Variants in MKLN1 observed in about 807,000 individuals in gnomAD.
The protein encoded by MKLN1 is muskelin.
A neutral mutation model predicts 99.0 loss-of-function variants in MKLN1; 18 were observed. That is an observed-to-expected ratio of 0.18 (90% confidence interval 0.13 to 0.27). MKLN1 has a LOEUF of 0.27. MKLN1 is among the 10% of genes least tolerant of loss of function. The pLI, the probability that MKLN1 is intolerant of heterozygous loss-of-function variation, is 1.00. For missense variants in MKLN1, 621 were observed against 875.9 expected, an observed-to-expected ratio of 0.71 and a Z score of 3.67; for synonymous variants, 288 against 293.2, an observed-to-expected ratio of 0.98 and a Z score of 0.18.
chr7:131,276,940 A>T (rs933024077), intron 3 of MKLN1, among the ~76,000 whole-genome samples: 12 of 152,150 alleles, frequency 7.9e-5, no homozygotes, highest in Non-Finnish European at 1.8e-4. Flanking sequence ...ACCTGCTTCC[A>T]CACAGCAGCC....
At chr7:131,378,208 C>G (rs895338829) in intron 2 of MKLN1, among the ~76,000 whole-genome samples, 1 of 152,050 alleles carries the variant, frequency 6.6e-6, no homozygotes, top group Non-Finnish European at 1.5e-5. Flanking sequence ...ACCTCCTGGG[C>G]TCAAGTGATT....
chr7:131,260,999 T>C (rs1584874243), intron 3 of MKLN1, among the ~76,000 whole-genome samples: 1 of 152,186 alleles, frequency 6.6e-6, no homozygotes, highest in South Asian at 2.1e-4. Context: ...CAACTCAAGA[T>C]GGATTAAAGA....
chr7:131,305,406 A>G (rs1188525693), intron 3 of MKLN1, among the ~76,000 whole-genome samples: 1 of 152,174 alleles, frequency 6.6e-6, no homozygotes, highest in Non-Finnish European at 1.5e-5. Context: ...CCATATAGCA[A>G]CTTATTTGGG....
Position 131,459,742 on chromosome 7 carries a change from A to T in MKLN1, c.1526-3475A>T, listed in dbSNP as rs534787581. ...TATATATCTACATGCCATCTTTTTA[A>T]AAAAAAAACAACATAGATATATGTG... is the stretch of plus-strand genomic sequence containing the variant. On this transcript the variant is annotated intron_variant, in intron 12 of 17. Coordinates refer to ENST00000352689, the MANE Select transcript of MKLN1 (RefSeq NM_013255.5). Among the ~76,000 whole-genome samples the T allele has an allele frequency of 3.3e-4, 50 of 151,618 alleles. No individual in the cohort carries two copies. The South Asian group carries it at 7.5e-3, about 23-fold the overall frequency.
At chr7:131,132,365 TA>T (rs1161915285) in intron 1 of MKLN1, among the ~76,000 whole-genome samples, 1 of 152,188 alleles carries the variant, frequency 6.6e-6, no homozygotes, top group Non-Finnish European at 1.5e-5. Flanking sequence ...TGCCACATTT[TA>T]AAAGGGACTT....
chr7:131,136,673 A>G (rs1795653324), intron 1 of MKLN1, among the ~76,000 whole-genome samples: 1 of 152,250 alleles, frequency 6.6e-6, no homozygotes, highest in South Asian at 2.1e-4. Context: ...ACTGTGAAAC[A>G]GAACCAGCCA....
chr7:131,133,603 C>T lies in MKLN1; in HGVS notation c.-418-9217C>T, dbSNP rs368667756. ...TCCTGACCTCGTGATCCGCCCGCCT[C>T]GGCCTCCCAAAGTGCTGGGATTATA... is the stretch of plus-strand genomic sequence containing the variant. On this transcript the variant is annotated intron_variant, in intron 1 of 7. Coordinates refer to the MKLN1 transcript ENST00000416992. 2.4e-4 allele frequency among the ~76,000 whole-genome samples: 36 copies of T among 151,134 alleles called. No homozygotes were observed. The East Asian group carries it at 5.5e-3, about 23-fold the overall frequency.
intron 1 of MKLN1, among the ~76,000 whole-genome samples, chr7:131,358,140 C>T (rs190028010): frequency 4.5e-4 from 69 of 152,172 alleles, no homozygotes; most frequent in African/African-American, 1.6e-3. Flanking sequence ...TGGGGTAAAA[C>T]ATCTAGTTTC....
intron 3 of MKLN1, among the ~76,000 whole-genome samples, chr7:131,214,118 T>C (rs1796944348): frequency 6.6e-6 from 1 of 152,152 alleles, no homozygotes. Context: ...GAAATATGTA[T>C]ATAATTATTT....
At chr7:131,446,171 A>G (rs1796010277) in intron 12 of MKLN1, among the ~76,000 whole-genome samples, 1 of 152,156 alleles carries the variant, frequency 6.6e-6, no homozygotes, top group South Asian at 2.1e-4. Context: ...GGAAGAATCA[A>G]TATCTTAAAA....
intron 2 of MKLN1, among the ~76,000 whole-genome samples, chr7:131,167,371 T>A (rs1322432118): frequency 6.6e-6 from 1 of 152,040 alleles, no homozygotes; most frequent in African/African-American, 2.4e-5. Flanking sequence ...AAGAAGATAA[T>A]CTAAAATGTG....
intron 1 of MKLN1, among the ~76,000 whole-genome samples, chr7:131,353,903 TA>T (rs35581656): frequency 0.011 from 1,292 of 113,696 alleles, 6 homozygotes; most frequent in African/African-American, 0.018. Flanking sequence ...TGTACCTTTG[TA>T]AAAAAAAAAA....
At chr7:131,141,404 A>C (rs922244800) in intron 1 of MKLN1, among the ~76,000 whole-genome samples, 1 of 152,082 alleles carries the variant, frequency 6.6e-6, no homozygotes, top group South Asian at 2.1e-4. Context: ...TAAGTCAAAA[A>C]CCTGATCTCC....
chr7:131,431,476 A>G (rs1413364668), intron 9 of MKLN1, among the ~76,000 whole-genome samples: 1 of 152,144 alleles, frequency 6.6e-6, no homozygotes, highest in East Asian at 1.9e-4. Context: ...GGAGTCAGCT[A>G]TCTGTCAGCT....
intron 8 of MKLN1, among the ~76,000 whole-genome samples, chr7:131,425,292 C>CTT (rs34068431): frequency 2.2e-4 from 33 of 148,948 alleles, no homozygotes; most frequent in Middle Eastern, 3.4e-3. Flanking sequence ...GAAAAGCCCT[C>CTT]TTTTTTTTTT....
chr7:131,182,444 A>G (rs1224510162), intron 2 of MKLN1, among the ~76,000 whole-genome samples: 1 of 152,218 alleles, frequency 6.6e-6, no homozygotes, highest in African/African-American at 2.4e-5. Context: ...ACATAAACAA[A>G]TCCCTGGAAT....
At chr7:131,249,117 A>T (rs1331987121) in intron 3 of MKLN1, among the ~76,000 whole-genome samples, 1 of 152,212 alleles carries the variant, frequency 6.6e-6, no homozygotes, top group African/African-American at 2.4e-5. Flanking sequence ...ACAACCAGTG[A>T]GAAAGGAATC....
intron 3 of MKLN1, among the ~76,000 whole-genome samples, chr7:131,237,144 G>A (rs930534095): frequency 6.6e-6 from 1 of 152,146 alleles, no homozygotes; most frequent in Non-Finnish European, 1.5e-5. Flanking sequence ...ACTGGCCTTA[G>A]TGTATATATG....
At chr7:131,438,666 C>T (rs920660235) in intron 10 of MKLN1, among the ~76,000 whole-genome samples, 10 of 151,830 alleles carry the variant, frequency 6.6e-5, no homozygotes, top group Non-Finnish European at 2.9e-5. Flanking sequence ...TCAAAAAAGA[C>T]AGTAACCATT....
Sources: gnomAD v4.1 joint callset for allele counts (sites outside exome capture counted in the v4.1 genomes callset) on GRCh38, gnomAD v4.1.1 for gene constraint, MANE v1.5 for transcripts, NCBI Gene and HGNC (gene_info 2026-07-23, HGNC 2026-07-21) for gene names.